Variants in PARP15 observed in about 807,000 individuals in gnomAD.
PARP15 encodes protein mono-ADP-ribosyltransferase PARP15.
In PARP15, 50 loss-of-function variants were observed where a neutral mutation model predicts 62.1. That is an observed-to-expected ratio of 0.81 (90% CI 0.64 to 1.02). PARP15 has a LOEUF of 1.02. PARP15 is among the 50% of genes least tolerant of loss of function. The probability of loss-of-function intolerance (pLI) is 0.00; values close to 1 mark genes in which losing one functional copy is unlikely to be tolerated. For synonymous variants in PARP15, 309 were observed against 293.1 expected (o/e 1.05, Z -0.55); for missense variants, 820 against 826.5 (o/e 0.99, Z 0.10).
chr3:122,635,660 G>A, intron 11 of PARP15, 151 bp from the exon 12 acceptor site: 4 of 817,810 alleles, frequency 4.9e-6, no homozygotes, highest in Non-Finnish European at 7.4e-6. Flanking sequence ...CAATCCTCTT[G>A]CCTCAGCCTC....
intron 1 of PARP15, among the ~76,000 whole-genome samples, chr3:122,597,453 TG>T (rs1934444012): frequency 6.6e-6 from 1 of 152,140 alleles, no homozygotes; most frequent in Non-Finnish European, 1.5e-5. Context: ...GCTGGTGTAC[TG>T]CACCCATTAA....
At chr3:122,588,036 A>C (rs1933588308) in intron 1 of PARP15, among the ~76,000 whole-genome samples, 1 of 152,072 alleles carries the variant, frequency 6.6e-6, no homozygotes, top group Admixed American at 6.6e-5. Flanking sequence ...TTTTGCAAAA[A>C]TTTTCTCCCA....
intron 1 of PARP15, among the ~76,000 whole-genome samples, chr3:122,595,235 C>A (rs982282380): frequency 6.6e-6 from 1 of 152,084 alleles, no homozygotes; most frequent in Non-Finnish European, 1.5e-5. Context: ...GCTACTACTT[C>A]ATTTCTTTGC....
chr3:122,579,402 G>A (rs2080751919), intron 1 of PARP15, among the ~76,000 whole-genome samples: 1 of 152,182 alleles, frequency 6.6e-6, no homozygotes, highest in Admixed American at 6.5e-5. Context: ...ACTTTTTAGT[G>A]TATACTTCTG....
At chr3:122,621,261 C>T in intron 7 of PARP15, 183 bp from the exon 8 acceptor site, 1 of 602,426 alleles carries the variant, frequency 1.7e-6, no homozygotes, top group Non-Finnish European at 2.8e-6. Context: ...ATTTGTTGAG[C>T]TCGAGAATTC....
chr3:122,635,009 G>T lies in PARP15; in HGVS notation c.1573-11G>T. On this transcript the variant is annotated splice_polypyrimidine_tract_variant and intron_variant, in intron 10 of 11. Transcript: ENST00000464300. ...TCCTTTCTGAAATATTTTGTCTTTT[G>T]TTACCTGCAGATTGAGAGGATACAG... The T allele has an allele frequency of 1.2e-6, 2 of 1,613,212 alleles. No homozygotes were observed. Among genetic ancestry groups the T allele is most frequent in the South Asian group, 1.1e-5 (1 of 90,898 alleles).
chr3:122,602,467 C>A (rs930893661), intron 1 of PARP15, among the ~76,000 whole-genome samples: 2 of 152,196 alleles, frequency 1.3e-5, no homozygotes, highest in African/African-American at 4.8e-5. Flanking sequence ...TCTTCCTCTT[C>A]TCTATCTTCA....
At chr3:122,589,650 G>A (rs1372711967) in intron 1 of PARP15, among the ~76,000 whole-genome samples, 1 of 151,890 alleles carries the variant, frequency 6.6e-6, no homozygotes, top group Non-Finnish European at 1.5e-5. Context: ...TCTTTTTAAT[G>A]TCCTTATTGG....
intron 1 of PARP15, among the ~76,000 whole-genome samples, chr3:122,597,555 C>G (rs1934455178): frequency 6.6e-6 from 1 of 152,066 alleles, no homozygotes; most frequent in Non-Finnish European, 1.5e-5. Context: ...AGTCACCGCG[C>G]CCAGCTTTTT....
chr3:122,585,828 A>G (rs766255225), intron 1 of PARP15, among the ~76,000 whole-genome samples: 2 of 152,228 alleles, frequency 1.3e-5, no homozygotes, highest in Non-Finnish European at 2.9e-5. Flanking sequence ...CTGGTTGAGG[A>G]TACAGCCTTG....
intron 1 of PARP15, among the ~76,000 whole-genome samples, chr3:122,578,528 T>C (rs1478686842): frequency 6.6e-6 from 1 of 152,200 alleles, no homozygotes; most frequent in Non-Finnish European, 1.5e-5. Context: ...AGCTTTATCA[T>C]GTACTAGACT....
intron 11 of PARP15, among the ~76,000 whole-genome samples, 175 bp downstream of exon 11, chr3:122,635,369 T>G (rs1333159363): frequency 6.6e-6 from 1 of 152,020 alleles, no homozygotes; most frequent in Non-Finnish European, 1.5e-5. Flanking sequence ...TGGAGTGAAT[T>G]TTAGAAATGA....
chr3:122,607,267 A>G lies in PARP15; in HGVS notation c.306+1212A>G, dbSNP rs532210834. Among the ~76,000 whole-genome samples, 7 of 152,330 alleles carry G rather than the reference A, an allele frequency of 4.6e-5. No homozygotes were observed. The East Asian group carries it at 1.3e-3, about 29-fold the overall frequency. ...GTGATATAACCAGAAGAACTGGATG[A>G]TATAAAAGGACAGTAAATTTATTTT... On this transcript the variant is annotated intron_variant, in intron 2 of 11. Transcript: ENST00000464300.
In PARP15 at chr3:122,601,038, T is replaced by TTTTTTTTTG. The variant is rs1553729050; in HGVS notation, c.187-4890_187-4889insGTTTTTTTT. On this transcript the variant is annotated intron_variant, in intron 1 of 11. Coordinates refer to ENST00000464300, the MANE Select transcript of PARP15 (RefSeq NM_001113523.3). ...TTGGTTTTTGTTTGTCTTTTATGGT[T>TTTTTTTTTG]TTTTTTTTTTTTTTTTTTTTTGAGA... Among the ~76,000 whole-genome samples the TTTTTTTTTG allele has an allele frequency of 3.2e-3, 403 of 127,226 alleles. 17 individuals carry two copies. The highest frequency in any genetic ancestry group is 0.013 in the African/African-American group (372 of 27,818). The allele number at this position is 127,226 out of a possible 152,430, so 83.5% of individuals were successfully genotyped here.
chr3:122,614,175 A>G (rs1214722844), intron 4 of PARP15, among the ~76,000 whole-genome samples: 1 of 152,150 alleles, frequency 6.6e-6, no homozygotes, highest in Non-Finnish European at 1.5e-5. Context: ...TGAGTGTGGT[A>G]ATAACACCTT....
In PARP15 at chr3:122,627,008, T is replaced by C; in HGVS notation, c.1413T>C (p.Phe471=). Residue 471 remains phenylalanine (F), a synonymous_variant, in exon 9 of 12, where the codon TTT becomes TTC. Transcript: ENST00000464300. ...GAGACCTCTCTGCATCACTGAACTT[T>C]CAGTCCACATTCTCCATGACTACAT... ...KKRDLSASLN[F]QSTFSMTTCN... is the part of the protein sequence containing the mutation. 1.2e-6 allele frequency: 2 copies of C among 1,613,186 alleles called. No homozygotes were observed. The highest frequency in any genetic ancestry group is 1.7e-6 in the Non-Finnish European group (2 of 1,179,458).
intron 8 of PARP15, among the ~76,000 whole-genome samples, chr3:122,625,004 A>C (rs1052668258): frequency 1.3e-5 from 2 of 151,444 alleles, no homozygotes; most frequent in African/African-American, 4.9e-5. Flanking sequence ...AAATTTTACC[A>C]TTACTTTTTT....
chr3:122,581,553 G>C (rs2080801917), intron 1 of PARP15, among the ~76,000 whole-genome samples: 1 of 152,140 alleles, frequency 6.6e-6, no homozygotes, highest in Non-Finnish European at 1.5e-5. Flanking sequence ...CTTCTTCAGA[G>C]AAATGTCTAT....
chr3:122,621,288 G>A (rs1936322605), intron 7 of PARP15, 156 bp from the exon 8 acceptor site: 1 of 688,944 alleles, frequency 1.5e-6, no homozygotes, highest in Non-Finnish European at 2.3e-6. Flanking sequence ...TAAAGAAAAT[G>A]TGGTTGTCAC....
Sources: gnomAD v4.1 joint callset for allele counts (sites outside exome capture counted in the v4.1 genomes callset) on GRCh38, gnomAD v4.1.1 for gene constraint, MANE v1.5 for transcripts, NCBI Gene and HGNC (gene_info 2026-07-23, HGNC 2026-07-21) for gene names.